Variants in PCDHGB6 observed in about 807,000 individuals in gnomAD.
PCDHGB6 encodes protocadherin gamma subfamily B, 6.
Under a neutral mutation model 59.1 loss-of-function variants are expected in PCDHGB6, and 51 were observed. The observed-to-expected ratio is 0.86, with a 90% CI of 0.69 to 1.09. PCDHGB6 has a LOEUF of 1.09. PCDHGB6 is among the 50% of genes least tolerant of loss of function. The pLI, the probability that PCDHGB6 is intolerant of heterozygous loss-of-function variation, is 0.00. For missense variants in PCDHGB6, 1,148 were observed against 1,205.1 expected, an observed-to-expected ratio of 0.95 and a Z score of 0.70; for synonymous variants, 466 against 495.1, an observed-to-expected ratio of 0.94 and a Z score of 0.78.
rs1467261705 is a variant in PCDHGB6, at chr5:141,417,640, C to G, written c.2418+7020C>G. 6.6e-6 allele frequency: 5 copies of G among 761,360 alleles called. No homozygotes were observed. The African/African-American group carries it at 8.8e-5, about 13-fold the overall frequency. 47.2% of individuals were successfully genotyped at this position (761,360 alleles called of 1,614,324 possible). A position where few individuals can be genotyped will look rare whatever the true frequency, so the allele number is the denominator to read the frequency against. On this transcript the variant is annotated intron_variant, in intron 1 of 3. Coordinates refer to ENST00000520790, the MANE Select transcript of PCDHGB6 (RefSeq NM_018926.3). ...AGAGCAAGCGCTGACGCCGGGGATC[C>G]CTCAGCCTCTAGCCTGGGATTCCCT...
At chr5:141,458,064 C>T (rs886724551) in intron 1 of PCDHGB6, among the ~76,000 whole-genome samples, 14 of 152,104 alleles carry the variant, frequency 9.2e-5, no homozygotes, top group East Asian at 3.9e-4. Context: ...TGCACTGATG[C>T]GAACAACTAT....
intron 1 of PCDHGB6, chr5:141,422,710 G>T: frequency 6.2e-7 from 1 of 1,603,486 alleles, no homozygotes; most frequent in African/African-American, 1.3e-5. Context: ...TCTGACGGAT[G>T]ACACTGTCCA....
intron 1 of PCDHGB6, chr5:141,420,199 C>G (rs764130526): frequency 6.2e-7 from 1 of 1,613,362 alleles, no homozygotes; most frequent in Non-Finnish European, 8.5e-7. Flanking sequence ...CACAAGATAA[C>G]CTCAACAAAG....
intron 1 of PCDHGB6, chr5:141,468,351 A>G (rs1030472813): frequency 6.7e-6 from 1 of 149,192 alleles, no homozygotes; most frequent in Non-Finnish European, 1.5e-5. Context: ...AAAAAAAAAG[A>G]AAGAAAAAAG....
At chr5:141,414,733 G>A (rs768741206) in intron 1 of PCDHGB6, 2 of 1,614,174 alleles carry the variant, frequency 1.2e-6, no homozygotes. Flanking sequence ...CGTCCTGTAT[G>A]CACTCAGATC....
At chr5:141,463,784 T>G (rs2099069378) in intron 1 of PCDHGB6, among the ~76,000 whole-genome samples, 1 of 152,194 alleles carries the variant, frequency 6.6e-6, no homozygotes, top group South Asian at 2.1e-4. Context: ...CTGCACTGTC[T>G]TTTGAACAAA....
intron 1 of PCDHGB6, among the ~76,000 whole-genome samples, chr5:141,470,504 G>A (rs914828244): frequency 6.6e-6 from 1 of 152,114 alleles, no homozygotes; most frequent in Admixed American, 6.6e-5. Flanking sequence ...TAGGTAATTA[G>A]ACAGTTAGCT....
Position 141,491,712 on chromosome 5 carries a change from G to C in PCDHGB6, c.2419-3095G>C. 3.1e-6 allele frequency: 5 copies of C among 1,609,408 alleles called. No individual in the cohort carries two copies. Among genetic ancestry groups the C allele is most frequent in the Middle Eastern group, 1.7e-4 (1 of 6,024 alleles). ...GGGAGCGGAGCCAGGTGAGGGGCTCGGCGCCGCCCCGGGCGACCCCTGGGG... is the reference window on the plus strand; with the variant it reads ...GGGAGCGGAGCCAGGTGAGGGGCTCCGCGCCGCCCCGGGCGACCCCTGGGG... On this transcript the variant is annotated intron_variant, in intron 1 of 3. Transcript: ENST00000520790. The surrounding 1 kb of genome is among the most constrained non-coding windows in gnomAD (Gnocchi z 6.9).
chr5:141,422,677 C>G, intron 1 of PCDHGB6: 1 of 1,606,186 alleles, frequency 6.2e-7, no homozygotes, highest in Non-Finnish European at 8.5e-7. Context: ...GGACAGCAAA[C>G]AGAATGCCCT....
intron 1 of PCDHGB6, chr5:141,414,744 C>T (rs1381345965): frequency 6.2e-7 from 1 of 1,614,210 alleles, no homozygotes; most frequent in Non-Finnish European, 8.5e-7. Context: ...CACTCAGATC[C>T]TTCGACTATG....
At chr5:141,468,774 G>A (rs1229480462) in intron 1 of PCDHGB6, among the ~76,000 whole-genome samples, 4 of 152,028 alleles carry the variant, frequency 2.6e-5, no homozygotes, top group Non-Finnish European at 4.4e-5. Flanking sequence ...GCTGAGGCAG[G>A]AGAATGGCGT....
Position 141,487,399 on chromosome 5 carries a change from G to T in PCDHGB6, c.2419-7408G>T, listed in dbSNP as rs749826036. 6.2e-7 allele frequency: 1 copy of T among 1,614,140 alleles called. No individual in the cohort carries two copies. The highest frequency in any genetic ancestry group is 8.5e-7 in the Non-Finnish European group (1 of 1,180,014). ...TCACCAGATCTCGAAGGAGGGAGGG[G>T]CTTCCCCCTTCCAATGGGATCCTCC... On this transcript the variant is annotated intron_variant, in intron 1 of 3. Transcript: ENST00000520790. The surrounding 1 kb of genome is among the most constrained non-coding windows in gnomAD (Gnocchi z 5.0).
chr5:141,436,958 G>C (rs2097855854), intron 1 of PCDHGB6, among the ~76,000 whole-genome samples: 1 of 152,124 alleles, frequency 6.6e-6, no homozygotes, highest in Non-Finnish European at 1.5e-5. Context: ...ATCTAAACAA[G>C]GATCTTGTGA....
chr5:141,486,090 G>T lies in PCDHGB6; in HGVS notation c.2419-8717G>T, dbSNP rs190955361. 2.5e-6 allele frequency: 4 copies of T among 1,614,086 alleles called. No individual in the cohort carries two copies. In the East Asian group the frequency reaches 8.9e-5, roughly 36 times the overall value. On this transcript the variant is annotated intron_variant, in intron 1 of 3. Transcript: ENST00000520790. This position sits in a 1 kb window ranked among gnomAD's most constrained non-coding sequence, Gnocchi z 5.0. Reference sequence around the variant, plus strand: ...ACTACTGGAAAGCTTACTCTTTTGGGGCCCCTAGACTTTGAGAGTGAGAAT... The same window carrying T: ...ACTACTGGAAAGCTTACTCTTTTGGTGCCCCTAGACTTTGAGAGTGAGAAT...
In PCDHGB6 at chr5:141,477,041, C is replaced by A; in HGVS notation, c.2419-17766C>A. 3 of 1,614,242 alleles carry A rather than the reference C, an allele frequency of 1.9e-6. No individual in the cohort carries two copies. Among genetic ancestry groups the A allele is most frequent in the Admixed American group, 1.7e-5 (1 of 60,036 alleles). Reference sequence around the variant, plus strand: ...AACCGGGATGCTGACAATCAAGGGTCGGCTGGACTTCGAGGACACCAAACT... The same window carrying A: ...AACCGGGATGCTGACAATCAAGGGTAGGCTGGACTTCGAGGACACCAAACT... On this transcript the variant is annotated intron_variant, in intron 1 of 3. Transcript: ENST00000520790. The surrounding 1 kb of genome is among the most constrained non-coding windows in gnomAD (Gnocchi z 4.9).
chr5:141,414,371 A>G (rs1447111430), intron 1 of PCDHGB6: 1 of 1,613,954 alleles, frequency 6.2e-7, no homozygotes, highest in South Asian at 1.1e-5. Flanking sequence ...TTTAAATTAG[A>G]AAAGTCCATT....
intron 1 of PCDHGB6, among the ~76,000 whole-genome samples, chr5:141,478,961 C>T (rs887338339): frequency 6.6e-6 from 1 of 152,206 alleles, no homozygotes; most frequent in Non-Finnish European, 1.5e-5. Context: ...CCTCATTCCT[C>T]CACCTTTCAA....
intron 1 of PCDHGB6, among the ~76,000 whole-genome samples, chr5:141,447,650 T>G (rs555134653): frequency 1.3e-5 from 2 of 151,988 alleles, no homozygotes; most frequent in Non-Finnish European, 2.9e-5. Flanking sequence ...GGTAGAATTT[T>G]CCCCCCCAGG....
At chr5:141,441,635 G>T in intron 1 of PCDHGB6, 1 of 226,720 alleles carries the variant, frequency 4.4e-6, no homozygotes, top group Non-Finnish European at 8.9e-6. Flanking sequence ...TGGAGCCACA[G>T]GCGCTGTGAT....
Sources: allele counts gnomAD v4.1 joint callset (sites outside exome capture counted in the v4.1 genomes callset), GRCh38; gene constraint gnomAD v4.1.1; non-coding constraint Gnocchi (gnomAD v3.1); transcripts MANE v1.5; gene names NCBI Gene and HGNC (gene_info 2026-07-23, HGNC 2026-07-21).